The following PTPRD variants were observed in gnomAD, a reference collection of about 807,000 sequenced individuals.
PTPRD encodes protein tyrosine phosphatase receptor type D.
Under a neutral mutation model 214.5 loss-of-function variants are expected in PTPRD, and 34 were observed. That is an observed-to-expected ratio of 0.16 (90% CI 0.12 to 0.21). The LOEUF (loss-of-function observed/expected upper bound fraction) is 0.21, where lower values mean the gene tolerates loss of function less well. Ranked by LOEUF, PTPRD falls within the 10% of genes least tolerant of loss-of-function variation. PTPRD has a pLI of 1.00. For synonymous variants in PTPRD, 1,128 were observed against 845.7 expected, an observed-to-expected ratio of 1.33 and a Z score of -5.79; for missense variants, 2,545 against 2,398.7, an observed-to-expected ratio of 1.06 and a Z score of -1.27.
intron 2 of PTPRD, among the ~76,000 whole-genome samples, chr9:10,429,123 T>G (rs977505181): frequency 3.3e-5 from 5 of 152,034 alleles, no homozygotes; most frequent in African/African-American, 1.2e-4. Flanking sequence ...ATAACTACAG[T>G]ATTTAATTGT....
intron 11 of PTPRD, among the ~76,000 whole-genome samples, chr9:8,931,777 A>G (rs1448780366): frequency 6.6e-6 from 1 of 152,048 alleles, no homozygotes; most frequent in Non-Finnish European, 1.5e-5. Context: ...AAATTCGGCT[A>G]TGAATCTGTC....
At chr9:8,756,569 G>A (rs1167190973) in intron 11 of PTPRD, among the ~76,000 whole-genome samples, 1 of 152,040 alleles carries the variant, frequency 6.6e-6, no homozygotes, top group African/African-American at 2.4e-5. Flanking sequence ...AACAATACTG[G>A]GCTATTTGAG....
rs57804586 is a variant in PTPRD at position 9,177,756 on chromosome 9, G to T, written c.-143+5548C>A. 1.8e-4 allele frequency among the ~76,000 whole-genome samples: 27 copies of T among 152,096 alleles called. No homozygotes were observed. In the East Asian group the frequency reaches 4.8e-3, roughly 27 times the overall value. ...AATTTAAAAATCAGCTTAAGAGGCC[G>T]CTATTTATAGTAGTCCCTATAAAAA... On this transcript the variant is annotated intron_variant, in intron 10 of 45. Coordinates refer to ENST00000381196, the MANE Select transcript of PTPRD (RefSeq NM_002839.4).
intron 9 of PTPRD, among the ~76,000 whole-genome samples, chr9:9,379,651 C>T (rs946383206): frequency 3.9e-5 from 6 of 152,004 alleles, no homozygotes; most frequent in Admixed American, 2.6e-4. Context: ...GATATTATAT[C>T]TTCCTATCCA....
chr9:10,189,620 A>C (rs2099353671), intron 3 of PTPRD, among the ~76,000 whole-genome samples: 1 of 152,192 alleles, frequency 6.6e-6, no homozygotes. Flanking sequence ...CACAACATGC[A>C]GCAGGACAAA....
chr9:8,595,522 A>G (rs1419830097), intron 14 of PTPRD, among the ~76,000 whole-genome samples: 1 of 152,202 alleles, frequency 6.6e-6, no homozygotes, highest in Non-Finnish European at 1.5e-5. Flanking sequence ...TTATATATGT[A>G]TGTATAGTCA....
At chr9:9,928,849 C>T (rs1365856669) in intron 5 of PTPRD, among the ~76,000 whole-genome samples, 1 of 151,404 alleles carries the variant, frequency 6.6e-6, no homozygotes, top group African/African-American at 2.4e-5. Flanking sequence ...AAACTTGATG[C>T]TTTGGTAAGC....
At chr9:8,345,221 A>T (rs1317228975) in intron 39 of PTPRD, among the ~76,000 whole-genome samples, 1 of 152,042 alleles carries the variant, frequency 6.6e-6, no homozygotes, top group East Asian at 1.9e-4. Flanking sequence ...GACACCTAAG[A>T]AGCATTCAGT....
chr9:8,534,638 TACACAC>T (rs371056231), intron 14 of PTPRD, among the ~76,000 whole-genome samples: 4 of 149,860 alleles, frequency 2.7e-5, no homozygotes, highest in African/African-American at 7.3e-5. Flanking sequence ...TATATATATA[TACACAC>T]ACACACACAC....
chr9:9,493,430 C>T (rs1472914567), intron 8 of PTPRD, among the ~76,000 whole-genome samples: 1 of 152,166 alleles, frequency 6.6e-6, no homozygotes, highest in Non-Finnish European at 1.5e-5. Context: ...GCTGGTACCA[C>T]AATAACCATT....
At chr9:9,014,278 C>G (rs1005945950) in intron 11 of PTPRD, among the ~76,000 whole-genome samples, 2 of 148,774 alleles carry the variant, frequency 1.3e-5, no homozygotes, top group African/African-American at 5.0e-5. Context: ...TCTCCACGAT[C>G]TTTCATTCTC....
At chr9:9,269,451 T>TA (rs1555145775) in intron 9 of PTPRD, among the ~76,000 whole-genome samples, 3 of 125,362 alleles carry the variant, frequency 2.4e-5, no homozygotes, top group South Asian at 2.5e-4. Flanking sequence ...TGGAGGTTCC[T>TA]CAAAAAAAAT....
chr9:8,361,674 A>G (rs2078520750), intron 39 of PTPRD, among the ~76,000 whole-genome samples: 1 of 152,220 alleles, frequency 6.6e-6, no homozygotes, highest in Admixed American at 6.5e-5. Context: ...GAAAAACAGA[A>G]AATGAATTGC....
chr9:10,311,865 T>C (rs1555123154), intron 3 of PTPRD, among the ~76,000 whole-genome samples: 2 of 152,004 alleles, frequency 1.3e-5, no homozygotes, highest in Non-Finnish European at 2.9e-5. Flanking sequence ...CAGGTGAGCT[T>C]GGTGTGAGAT....
chr9:10,557,992 A>T (rs368915803), intron 2 of PTPRD, among the ~76,000 whole-genome samples: 1 of 152,160 alleles, frequency 6.6e-6, no homozygotes, highest in African/African-American at 2.4e-5. Context: ...AATCTTGTTG[A>T]AATTCTTAAT....
rs148624192 is a variant in PTPRD, at chr9:9,879,647, T to G, written c.-368+58860A>C. On this transcript the variant is annotated intron_variant, in intron 5 of 45. Transcript: ENST00000381196. ...AGACCAGGAATATACTGACTAAAAT[T>G]GACAGAGATCCTAAGTGAAAGTTTA... Among the ~76,000 whole-genome samples the G allele has an allele frequency of 6.6e-5, 10 of 152,264 alleles. No individual in the cohort carries two copies. The East Asian group carries it at 1.9e-3, about 29-fold the overall frequency.
chr9:9,375,416 T>C (rs2060521815), intron 9 of PTPRD, among the ~76,000 whole-genome samples: 1 of 151,960 alleles, frequency 6.6e-6, no homozygotes, highest in South Asian at 2.1e-4. Context: ...ACCAACATGG[T>C]GAAACCCCAT....
chr9:8,828,851 C>A (rs74518224), intron 11 of PTPRD, among the ~76,000 whole-genome samples: 2 of 152,142 alleles, frequency 1.3e-5, no homozygotes, highest in Admixed American at 6.6e-5. Flanking sequence ...TAAACTCAGA[C>A]AATTCAAGCC....
At chr9:8,722,370 A>C (rs73427596) in intron 12 of PTPRD, among the ~76,000 whole-genome samples, 574 of 152,310 alleles carry the variant, frequency 3.8e-3, no homozygotes, top group African/African-American at 0.013. Flanking sequence ...AAATCTGGTT[A>C]CTAACACCAT....
Sources: gnomAD v4.1 joint callset for allele counts (sites outside exome capture counted in the v4.1 genomes callset) on GRCh38, gnomAD v4.1.1 for gene constraint, MANE v1.5 for transcripts, NCBI Gene and HGNC (gene_info 2026-07-23, HGNC 2026-07-21) for gene names.